RNGTT: variants seen among roughly 807,000 people sequenced by gnomAD.
The protein encoded by RNGTT is RNA guanylyltransferase and 5'-phosphatase.
In RNGTT, 33 loss-of-function variants were observed where a neutral mutation model predicts 79.3. That is an observed-to-expected ratio of 0.42 (90% confidence interval 0.32 to 0.56). The LOEUF is 0.56. Ranked by LOEUF, RNGTT falls within the 20% of genes least tolerant of loss-of-function variation. The pLI is 0.17. For synonymous variants in RNGTT, 222 were observed against 235.9 expected (o/e 0.94, Z 0.54); for missense variants, 497 against 739.1 (o/e 0.67, Z 3.80).
At position 88,614,368 on chromosome 6, in the gene RNGTT, T is replaced by G; in HGVS notation, c.1534A>C (p.Asn512His). 6.2e-7 allele frequency: 1 copy of G among 1,613,720 alleles called. No homozygotes were observed. The highest frequency in any genetic ancestry group is 8.5e-7 in the Non-Finnish European group (1 of 1,179,610). The change falls in exon 15 of 16, where the codon AAC becomes CAC. Residue 512 changes from asparagine (N) to histidine (H), a missense_variant. Asn to His is a moderately conservative substitution (Grantham distance 68). Coordinates refer to ENST00000369485, the MANE Select transcript of RNGTT (RefSeq NM_003800.5). ...TCAAATTTGCATTCTATAATTTTGT[T>G]GTCATACTGTTTCAGCTCTTTTGTC... is the stretch of plus-strand genomic sequence containing the variant. ...KVTKELKQYD[N>H]KIIECKFENN...
intron 13 of RNGTT, among the ~76,000 whole-genome samples, chr6:88,694,189 G>C (rs1775578731): frequency 6.6e-6 from 1 of 152,020 alleles, no homozygotes; most frequent in African/African-American, 2.4e-5. Context: ...TATATGGAGA[G>C]AGCTATAAAG....
rs138224815 is a variant in RNGTT at position 88,954,991 on chromosome 6, G to A, written c.64+8355C>T. 2.1e-3 allele frequency among the ~76,000 whole-genome samples: 318 copies of A among 152,188 alleles called. 10 individuals are homozygous for A. In the East Asian group the frequency reaches 0.052, roughly 25 times the overall value. On this transcript the variant is annotated intron_variant, in intron 1 of 15. Transcript: ENST00000369485. Reference sequence around the variant, plus strand: ...GAGAATTGTTTGAACCTGGGAGGCAGAGGTTGCAATGAGCTGAGATCGTAC... The same window carrying A: ...GAGAATTGTTTGAACCTGGGAGGCAAAGGTTGCAATGAGCTGAGATCGTAC...
chr6:88,735,917 T>C (rs903175830), intron 13 of RNGTT, among the ~76,000 whole-genome samples: 7 of 152,034 alleles, frequency 4.6e-5, no homozygotes, highest in South Asian at 4.1e-4. Flanking sequence ...TTTTTATAAA[T>C]TGATAAATCT....
At chr6:88,807,812 A>G (rs1780009203) in intron 11 of RNGTT, among the ~76,000 whole-genome samples, 3 of 152,162 alleles carry the variant, frequency 2.0e-5, no homozygotes, top group Non-Finnish European at 2.9e-5. Flanking sequence ...AAGAAGGGGG[A>G]AAAGATTACA....
chr6:88,661,613 A>G (rs570714041), intron 14 of RNGTT, among the ~76,000 whole-genome samples: 1 of 152,304 alleles, frequency 6.6e-6, no homozygotes, highest in African/African-American at 2.4e-5. Flanking sequence ...ACCCTCCTAG[A>G]TTAAACCAGG....
At chr6:88,844,143 A>T (rs1781407971) in intron 11 of RNGTT, among the ~76,000 whole-genome samples, 1 of 152,018 alleles carries the variant, frequency 6.6e-6, no homozygotes, top group Non-Finnish European at 1.5e-5. Context: ...AGAAAAAGGG[A>T]AACAGCCTAG....
intron 13 of RNGTT, among the ~76,000 whole-genome samples, chr6:88,726,516 C>T (rs1198516786): frequency 1.3e-5 from 2 of 152,038 alleles, no homozygotes; most frequent in Non-Finnish European, 2.9e-5. Context: ...AGCAGGTTTC[C>T]TAACATGGGA....
intron 6 of RNGTT, among the ~76,000 whole-genome samples, chr6:88,893,114 C>T (rs908464513): frequency 8.6e-5 from 13 of 151,970 alleles, no homozygotes; most frequent in Non-Finnish European, 1.6e-4. Context: ...TTAAGTACAA[C>T]AGCTAAAGGA....
intron 11 of RNGTT, 38 bp from the exon 12 acceptor site, chr6:88,801,670 A>T: frequency 7.5e-7 from 1 of 1,325,726 alleles, no homozygotes; most frequent in Non-Finnish European, 1.1e-6. Flanking sequence ...TAAAAATATA[A>T]TAATCACTTT....
chr6:88,686,377 G>A (rs1022689471), intron 13 of RNGTT, among the ~76,000 whole-genome samples: 2 of 151,922 alleles, frequency 1.3e-5, no homozygotes, highest in Admixed American at 6.6e-5. Flanking sequence ...TATATTAAAT[G>A]CAATCTAAAA....
chr6:88,910,834 A>G (rs554946794), intron 4 of RNGTT, among the ~76,000 whole-genome samples: 1 of 152,358 alleles, frequency 6.6e-6, no homozygotes, highest in South Asian at 2.1e-4. Flanking sequence ...GGAGGCCTAT[A>G]TTTAGCATCC....
intron 2 of RNGTT, among the ~76,000 whole-genome samples, chr6:88,931,874 G>A (rs1784523571): frequency 6.6e-6 from 1 of 152,102 alleles, no homozygotes; most frequent in Admixed American, 6.5e-5. Flanking sequence ...GTGGCCTCAG[G>A]ACCCTGTGAT....
chr6:88,800,935 C>T (rs1207092394), intron 12 of RNGTT, among the ~76,000 whole-genome samples: 1 of 152,144 alleles, frequency 6.6e-6, no homozygotes, highest in African/African-American at 2.4e-5. Context: ...AACATCCTAC[C>T]ATGCACAAGA....
intron 8 of RNGTT, among the ~76,000 whole-genome samples, chr6:88,862,108 C>T (rs138004171): frequency 6.6e-6 from 1 of 152,210 alleles, no homozygotes; most frequent in East Asian, 1.9e-4. Context: ...GTTCTTCAAC[C>T]GTTTCCTGGC....
In RNGTT at chr6:88,874,557, C is replaced by T. The variant is rs530522777; in HGVS notation, c.896+15938G>A. Among the ~76,000 whole-genome samples, 5 of 152,086 alleles carry T rather than the reference C, an allele frequency of 3.3e-5. No individual in the cohort carries two copies. In the South Asian group the frequency reaches 1.0e-3, roughly 32 times the overall value. On this transcript the variant is annotated intron_variant, in intron 8 of 15. Coordinates refer to ENST00000369485, the MANE Select transcript of RNGTT (RefSeq NM_003800.5). ...ATTCACAAAGAGGATAAAGTTTTTT[C>T]CCCTTTTTTATCCAAGCCAGCATTT...
In RNGTT at chr6:88,725,408, G is replaced by A. The variant is rs553409220; in HGVS notation, c.1439+44366C>T. ...GGTTGGGACTGAGGAAAAAGCTGCA[G>A]GGTGGTAAAGCATTCCTTGGTTAAG... On this transcript the variant is annotated intron_variant, in intron 13 of 15. Transcript: ENST00000369485. 7.9e-5 allele frequency among the ~76,000 whole-genome samples: 12 copies of A among 152,372 alleles called. No homozygotes were observed. The East Asian group carries it at 2.1e-3, about 27-fold the overall frequency.
At chr6:88,710,914 C>G (rs1776295823) in intron 13 of RNGTT, among the ~76,000 whole-genome samples, 1 of 152,108 alleles carries the variant, frequency 6.6e-6, no homozygotes, top group Non-Finnish European at 1.5e-5. Flanking sequence ...CCAGACATTA[C>G]TAATGGACTT....
chr6:88,906,930 T>C (rs1308141584), intron 4 of RNGTT, among the ~76,000 whole-genome samples: 2 of 152,146 alleles, frequency 1.3e-5, no homozygotes, highest in Non-Finnish European at 1.5e-5. Flanking sequence ...AATAAACTAA[T>C]AGAAATATAA....
chr6:88,957,752 C>T (rs1235591611), intron 1 of RNGTT, among the ~76,000 whole-genome samples: 1 of 152,172 alleles, frequency 6.6e-6, no homozygotes, highest in South Asian at 2.1e-4. Context: ...AATGGAAACA[C>T]ATCCCATGCT....
Sources: gnomAD v4.1 joint callset for allele counts (sites outside exome capture counted in the v4.1 genomes callset) on GRCh38, gnomAD v4.1.1 for gene constraint, MANE v1.5 for transcripts, NCBI Gene and HGNC (gene_info 2026-07-23, HGNC 2026-07-21) for gene names.